ZDHHC14: variants seen among roughly 807,000 people sequenced by gnomAD.
ZDHHC14 encodes the protein zDHHC palmitoyltransferase 14.
Under a neutral mutation model 47.7 loss-of-function variants are expected in ZDHHC14, and 16 were observed. That is an observed-to-expected ratio of 0.34 (90% CI 0.23 to 0.51). ZDHHC14 has a LOEUF of 0.51. Among genes scored for constraint, ZDHHC14 ranks in the 20% least tolerant of loss-of-function variants. The pLI is 0.97. For missense variants in ZDHHC14, 515 were observed against 662.5 expected, an observed-to-expected ratio of 0.78 and a Z score of 2.44; for synonymous variants, 293 against 278.9, an observed-to-expected ratio of 1.05 and a Z score of -0.50.
intron 1 of ZDHHC14, among the ~76,000 whole-genome samples, chr6:157,471,212 G>C (rs929133280): frequency 5.3e-5 from 8 of 152,220 alleles, no homozygotes; most frequent in African/African-American, 1.9e-4. Flanking sequence ...ACTGGCGCGG[G>C]GTCCAGGAAT....
At chr6:157,421,510 A>G (rs1176323734) in intron 1 of ZDHHC14, among the ~76,000 whole-genome samples, 2 of 151,432 alleles carry the variant, frequency 1.3e-5, no homozygotes, top group East Asian at 1.9e-4. Context: ...AAAAAAAAAA[A>G]AAAAAAAGAT....
intron 1 of ZDHHC14, among the ~76,000 whole-genome samples, chr6:157,394,802 C>T (rs1456299115): frequency 6.6e-6 from 1 of 152,116 alleles, no homozygotes; most frequent in Non-Finnish European, 1.5e-5. Flanking sequence ...ACTTAACTGC[C>T]AGAACGTCTC....
At position 157,424,664 on chromosome 6, in the gene ZDHHC14, C is replaced by T. The variant is rs149962449; in HGVS notation, c.245+42398C>T. Among the ~76,000 whole-genome samples the T allele has an allele frequency of 4.5e-3, 684 of 152,258 alleles. 6 individuals are homozygous for T. Among genetic ancestry groups the T allele is most frequent in the African/African-American group, 0.016 (649 of 41,548 alleles). On this transcript the variant is annotated intron_variant, in intron 1 of 8. Transcript: ENST00000359775. ...GTCTGGGGGCCCAGAAACCCTGCCCCGAGCAGTGATTTTAGTAACATGGGG... is the reference window on the plus strand; with the variant it reads ...GTCTGGGGGCCCAGAAACCCTGCCCTGAGCAGTGATTTTAGTAACATGGGG...
At chr6:157,610,499 C>G (rs1372889817) in intron 3 of ZDHHC14, among the ~76,000 whole-genome samples, 1 of 152,230 alleles carries the variant, frequency 6.6e-6, no homozygotes, top group African/African-American at 2.4e-5. Context: ...CCATGAAGTT[C>G]TGCAGAGCCT....
chr6:157,645,336 G>A (rs1467873011), intron 5 of ZDHHC14, among the ~76,000 whole-genome samples: 1 of 152,090 alleles, frequency 6.6e-6, no homozygotes, highest in Non-Finnish European at 1.5e-5. Flanking sequence ...TCAATATGTC[G>A]TCCTTTCACC....
intron 5 of ZDHHC14, among the ~76,000 whole-genome samples, chr6:157,635,203 C>T (rs1266425542): frequency 6.6e-6 from 1 of 152,178 alleles, no homozygotes. Flanking sequence ...CCATGTTGGT[C>T]AGGCTGGTCT....
intron 7 of ZDHHC14, 112 bp from the exon 8 acceptor site, chr6:157,653,413 A>G: frequency 9.7e-7 from 1 of 1,034,322 alleles, no homozygotes; most frequent in South Asian, 1.4e-5. Context: ...AAGTTGCCTG[A>G]GGTGGGCCTG....
At position 157,536,911 on chromosome 6, in the gene ZDHHC14, C is replaced by T. The variant is rs369824633; in HGVS notation, c.246-5674C>T. Among the ~76,000 whole-genome samples the T allele has an allele frequency of 9.2e-5, 5 of 54,602 alleles. 2 individuals are homozygous for T. Among genetic ancestry groups the T allele is most frequent in the South Asian group, 6.5e-4 (1 of 1,546 alleles). 35.8% of individuals were successfully genotyped at this position (54,602 alleles called of 152,430 possible). On this transcript the variant is annotated intron_variant, in intron 1 of 8. Coordinates refer to ENST00000359775, the MANE Select transcript of ZDHHC14 (RefSeq NM_024630.3). ...TCGGCTCACTGCAAGCTCCGCCTCC[C>T]GGGTTCACGCCATTCTCCTGCCTCA...
At chr6:157,441,574 C>T (rs1208488382) in intron 1 of ZDHHC14, among the ~76,000 whole-genome samples, 2 of 152,218 alleles carry the variant, frequency 1.3e-5, no homozygotes, top group East Asian at 1.9e-4. Flanking sequence ...CACGGTGGCT[C>T]ACACCTGTAA....
chr6:157,453,222 T>C (rs1241119193), intron 1 of ZDHHC14, among the ~76,000 whole-genome samples: 2 of 152,204 alleles, frequency 1.3e-5, no homozygotes, highest in Non-Finnish European at 2.9e-5. Flanking sequence ...GGATCTCTAC[T>C]TCTCATCTAT....
At chr6:157,598,365 C>G (rs749451744) in intron 3 of ZDHHC14, among the ~76,000 whole-genome samples, 1 of 152,114 alleles carries the variant, frequency 6.6e-6, no homozygotes, top group Non-Finnish European at 1.5e-5. Flanking sequence ...GGAACCAAAA[C>G]AAACAGGACT....
chr6:157,641,769 C>T (rs1417421043), intron 5 of ZDHHC14, among the ~76,000 whole-genome samples: 1 of 152,108 alleles, frequency 6.6e-6, no homozygotes, highest in Non-Finnish European at 1.5e-5. Context: ...TGAATGTTGC[C>T]TTAATCTTCC....
At chr6:157,634,444 C>T (rs930763886) in intron 5 of ZDHHC14, among the ~76,000 whole-genome samples, 2 of 152,182 alleles carry the variant, frequency 1.3e-5, no homozygotes, top group African/African-American at 4.8e-5. Flanking sequence ...CTCTCCCCAA[C>T]TCTACCAGGG....
At position 157,645,836 on chromosome 6, in the gene ZDHHC14, G is replaced by A; in HGVS notation, c.852G>A (p.Glu284=). Residue 284 remains glutamate, a synonymous_variant, in exon 6 of 9, where the codon GAG becomes GAA. Transcript: ENST00000359775. Reference sequence around the variant, plus strand: ...TCAGCTCCAACCAGACAACAAATGAGGACGTAAGTTCCTGACCACACGGGA... The same window carrying A: ...TCAGCTCCAACCAGACAACAAATGAAGACGTAAGTTCCTGACCACACGGGA... ...YLISSNQTTN[E]DIKGSWSNKR... 6.2e-7 allele frequency: 1 copy of A among 1,613,872 alleles called. No homozygotes were observed. The highest frequency in any genetic ancestry group is 8.5e-7 in the Non-Finnish European group (1 of 1,179,852).
At chr6:157,408,367 G>A (rs1245684707) in intron 1 of ZDHHC14, among the ~76,000 whole-genome samples, 1 of 151,982 alleles carries the variant, frequency 6.6e-6, no homozygotes, top group African/African-American at 2.4e-5. Context: ...AGGTAAACGT[G>A]TGCCGTGGTG....
intron 1 of ZDHHC14, among the ~76,000 whole-genome samples, chr6:157,458,333 G>A (rs940448495): frequency 5.9e-5 from 9 of 152,186 alleles, no homozygotes; most frequent in African/African-American, 1.2e-4. Context: ...GTTGCAGTTC[G>A]TTAGTATCTG....
chr6:157,633,744 G>A (rs1261040086), intron 5 of ZDHHC14, among the ~76,000 whole-genome samples: 1 of 152,198 alleles, frequency 6.6e-6, no homozygotes, highest in African/African-American at 2.4e-5. Flanking sequence ...GAGTGCAGTG[G>A]CACGATCTTG....
rs1212826678 is a variant in ZDHHC14, at chr6:157,458,038, G to GC, written c.245+75778dup. Among the ~76,000 whole-genome samples the GC allele has an allele frequency of 2.0e-5, 3 of 152,306 alleles. No homozygotes were observed. The East Asian group carries it at 5.8e-4, about 29-fold the overall frequency. ...AAGATAAATAAATAGCAGACTACCTGCCCCCCACTTTCCATCCCATACTCT... is the reference window on the plus strand; with the variant it reads ...AAGATAAATAAATAGCAGACTACCTGCCCCCCCACTTTCCATCCCATACTCT... On this transcript the variant is annotated intron_variant, in intron 1 of 8. Transcript: ENST00000359775.
chr6:157,632,785 A>C (rs1349129919), intron 4 of ZDHHC14, 49 bp from the exon 5 acceptor site: 3 of 1,560,500 alleles, frequency 1.9e-6, no homozygotes, highest in Non-Finnish European at 2.7e-6. Flanking sequence ...AGCATTCAGC[A>C]TGAAGGCTGT....
Sources: allele counts gnomAD v4.1 joint callset (sites outside exome capture counted in the v4.1 genomes callset), GRCh38; gene constraint gnomAD v4.1.1; transcripts MANE v1.5; gene names NCBI Gene and HGNC (gene_info 2026-07-23, HGNC 2026-07-21).